The following RBFOX1 variants were observed in gnomAD, a reference collection of about 807,000 sequenced individuals.
RBFOX1 encodes RNA binding fox-1 homolog 1, also known as RNA binding protein fox-1 homolog 1.
In RBFOX1, 8 loss-of-function variants were observed where a neutral mutation model predicts 57.7. That is an observed-to-expected ratio of 0.14 (90% CI 0.08 to 0.25). The LOEUF (loss-of-function observed/expected upper bound fraction) is 0.25. RBFOX1 is among the 10% of genes least tolerant of loss of function. The pLI is 1.00. For missense variants in RBFOX1, 611 were observed against 548.5 expected, an observed-to-expected ratio of 1.11 and a Z score of -1.14; for synonymous variants, 326 against 222.4, an observed-to-expected ratio of 1.47 and a Z score of -4.15.
chr16:5,392,608 G>A (rs768400744), intron 1 of RBFOX1, among the ~76,000 whole-genome samples: 5 of 151,120 alleles, frequency 3.3e-5, no homozygotes, highest in Non-Finnish European at 5.9e-5. Flanking sequence ...GTGCAATCAC[G>A]ACTCACTGAA....
intron 3 of RBFOX1, among the ~76,000 whole-genome samples, chr16:6,776,392 C>G (rs549629432): frequency 5.3e-5 from 8 of 151,870 alleles, no homozygotes; most frequent in Non-Finnish European, 8.8e-5. Context: ...GCCTGGGTGA[C>G]AGAGTGAGAC....
chr16:7,634,997 G>T (rs1016698745), intron 11 of RBFOX1, among the ~76,000 whole-genome samples: 4 of 152,168 alleles, frequency 2.6e-5, no homozygotes, highest in African/African-American at 9.7e-5. Context: ...AATGGGCAGG[G>T]CTGCTTGGTA....
At chr16:5,782,721 C>G (rs1461831180) in intron 3 of RBFOX1, among the ~76,000 whole-genome samples, 1 of 152,154 alleles carries the variant, frequency 6.6e-6, no homozygotes, top group Non-Finnish European at 1.5e-5. Context: ...ATTACAGAGG[C>G]TGAGAAGTCC....
intron 2 of RBFOX1, among the ~76,000 whole-genome samples, chr16:6,356,747 T>C (rs969132570): frequency 3.9e-5 from 6 of 152,210 alleles, no homozygotes; most frequent in Non-Finnish European, 8.8e-5. Flanking sequence ...AAGGGAATCA[T>C]TCCAAGTGCA....
chr16:5,705,977 C>G (rs1003154905), intron 3 of RBFOX1, among the ~76,000 whole-genome samples: 2 of 152,174 alleles, frequency 1.3e-5, no homozygotes, highest in South Asian at 2.1e-4. Flanking sequence ...GTGGTGTGCT[C>G]TCCATTCACT....
At chr16:6,269,396 C>G (rs536256460) in intron 1 of RBFOX1, among the ~76,000 whole-genome samples, 7 of 152,022 alleles carry the variant, frequency 4.6e-5, no homozygotes, top group Non-Finnish European at 7.4e-5. Flanking sequence ...CTGAGTAAAT[C>G]CCAAGTCAGA....
chr16:7,250,986 G>T (rs2094480107), intron 4 of RBFOX1, among the ~76,000 whole-genome samples: 1 of 148,632 alleles, frequency 6.7e-6, no homozygotes, highest in Non-Finnish European at 1.5e-5. Flanking sequence ...ATTAATACGT[G>T]TATTATCTGA....
At chr16:7,204,137 G>A (rs772073725) in intron 4 of RBFOX1, among the ~76,000 whole-genome samples, 2 of 152,222 alleles carry the variant, frequency 1.3e-5, no homozygotes, top group African/African-American at 2.4e-5. Flanking sequence ...CAGGGTATCT[G>A]CAGATACCTG....
chr16:7,706,934 CCCTTGGACCGATA>C (rs1389893427), intron 14 of RBFOX1, among the ~76,000 whole-genome samples: 1 of 152,106 alleles, frequency 6.6e-6, no homozygotes, highest in East Asian at 1.9e-4. Context: ...AACACATCTG[CCCTTGGACCGATA>C]CCTGTTTTTC....
chr16:7,448,743 G>T (rs1191726873), intron 4 of RBFOX1, among the ~76,000 whole-genome samples: 1 of 152,046 alleles, frequency 6.6e-6, no homozygotes, highest in Non-Finnish European at 1.5e-5. Flanking sequence ...TCCAATCTCT[G>T]CCTGCATTGT....
At chr16:5,589,294 G>A (rs4786725) in intron 2 of RBFOX1, among the ~76,000 whole-genome samples, 19,344 of 152,122 alleles carry the variant, frequency 0.13, 1,936 homozygotes, top group East Asian at 0.5. Flanking sequence ...AGGAAGTGTG[G>A]TGTGTGCTGG....
At chr16:6,912,439 A>G (rs1442405598) in intron 3 of RBFOX1, among the ~76,000 whole-genome samples, 1 of 152,224 alleles carries the variant, frequency 6.6e-6, no homozygotes, top group East Asian at 1.9e-4. Flanking sequence ...TCTGTGAGTA[A>G]AGATTTTTCA....
intron 4 of RBFOX1, among the ~76,000 whole-genome samples, chr16:7,059,757 C>T (rs1298266967): frequency 6.6e-6 from 1 of 152,122 alleles, no homozygotes; most frequent in Non-Finnish European, 1.5e-5. Flanking sequence ...TTCTCTTCAC[C>T]CGTTGCAGTG....
At chr16:6,561,906 G>A (rs1047115220) in intron 2 of RBFOX1, among the ~76,000 whole-genome samples, 4 of 152,158 alleles carry the variant, frequency 2.6e-5, no homozygotes, top group African/African-American at 9.7e-5. Flanking sequence ...TTTGCCTAAT[G>A]AGTATGTATC....
chr16:7,411,303 A>G (rs938894738), intron 4 of RBFOX1, among the ~76,000 whole-genome samples: 1 of 152,120 alleles, frequency 6.6e-6, no homozygotes, highest in Admixed American at 6.5e-5. Flanking sequence ...GTGTTAAGCA[A>G]GAGCCATCAG....
chr16:7,701,026 G>A (rs576964497), intron 14 of RBFOX1, among the ~76,000 whole-genome samples: 2 of 152,134 alleles, frequency 1.3e-5, no homozygotes, highest in Non-Finnish European at 2.9e-5. Context: ...CTCATGTAGG[G>A]TCTAAAAAGC....
rs890166742 is a variant in RBFOX1, at chr16:5,633,188, C to T, written c.318+34227C>T. Among the ~76,000 whole-genome samples, 15 of 152,132 alleles carry T rather than the reference C, an allele frequency of 9.9e-5. No individual in the cohort carries two copies. In the South Asian group the frequency reaches 1.7e-3, roughly 17 times the overall value. On this transcript the variant is annotated intron_variant, in intron 3 of 19. Transcript: ENST00000641259. Reference sequence around the variant, plus strand: ...TCCTGACCTCGTGATCCAGCTGCCTCGGCCTCCCAAAGTGCTGGGATTACA... The same window carrying T: ...TCCTGACCTCGTGATCCAGCTGCCTTGGCCTCCCAAAGTGCTGGGATTACA...
intron 4 of RBFOX1, among the ~76,000 whole-genome samples, chr16:7,495,894 TACTAG>T (rs1016353441): frequency 5.5e-4 from 41 of 74,024 alleles, no homozygotes; most frequent in African/African-American, 2.0e-3. Context: ...CATTCAAAGA[TACTAG>T]ACTATTTTTT....
At position 6,871,689 on chromosome 16, in the gene RBFOX1, C is replaced by G. The variant is rs79413315; in HGVS notation, c.-15-180368C>G. Among the ~76,000 whole-genome samples the G allele has an allele frequency of 1.5e-4, 23 of 152,178 alleles. No homozygotes were observed. In the South Asian group the frequency reaches 4.6e-3, roughly 30 times the overall value. On this transcript the variant is annotated intron_variant, in intron 3 of 15. Transcript: ENST00000550418. Reference sequence around the variant, plus strand: ...GGCCTTTCTTCCTCCACTCTTGTCCCCATTAATCTATTCTCCATATACCAG... The same window carrying G: ...GGCCTTTCTTCCTCCACTCTTGTCCGCATTAATCTATTCTCCATATACCAG...
Sources: gnomAD v4.1 joint callset for allele counts (sites outside exome capture counted in the v4.1 genomes callset) on GRCh38, gnomAD v4.1.1 for gene constraint, MANE v1.5 for transcripts, NCBI Gene and HGNC (gene_info 2026-07-23, HGNC 2026-07-21) for gene names.